Variants in KIDINS220 observed in about 807,000 individuals in gnomAD.
KIDINS220 encodes the protein kinase D interacting substrate 220.
A neutral mutation model predicts 157.6 loss-of-function variants in KIDINS220; 63 were observed. That is an observed-to-expected ratio of 0.40 (90% CI 0.33 to 0.49). The LOEUF is 0.49. Ranked by LOEUF, KIDINS220 falls within the 20% of genes least tolerant of loss-of-function variation. The probability of loss-of-function intolerance (pLI) is 0.66; values close to 1 mark genes in which losing one functional copy is unlikely to be tolerated. For missense variants in KIDINS220, 1,772 were observed against 2,171.2 expected (o/e 0.82, Z 3.65); for synonymous variants, 732 against 783.6 (o/e 0.93, Z 1.10).
chr2:8,810,285 T>C (rs1478019194), intron 6 of KIDINS220, among the ~76,000 whole-genome samples: 1 of 152,198 alleles, frequency 6.6e-6, no homozygotes, highest in African/African-American at 2.4e-5. Context: ...TAAACAGAGA[T>C]CATTTTTTCT....
At chr2:8,734,501 A>C (rs1405143044) in intron 28 of KIDINS220, among the ~76,000 whole-genome samples, 154 bp downstream of exon 28, 1 of 152,248 alleles carries the variant, frequency 6.6e-6, no homozygotes. Context: ...ATTGCACATA[A>C]GTGTAAGAAG....
In KIDINS220 at chr2:8,757,658, C is replaced by A. The variant is rs79399794; in HGVS notation, c.3012-6014G>T. The A allele has an allele frequency of 5.3e-3, 8,614 of 1,611,720 alleles. 375 individuals are homozygous for A. The African/African-American group carries it at 0.097, about 18-fold the overall frequency. ...ATGTGCATCTCTGAGGGAGTCATGG[C>A]CTGTTCCATGTCCTGCTTATTTGCA... On this transcript the variant is annotated intron_variant, in intron 22 of 29. Coordinates refer to ENST00000256707, the MANE Select transcript of KIDINS220 (RefSeq NM_020738.4).
intron 22 of KIDINS220, among the ~76,000 whole-genome samples, chr2:8,754,551 A>G (rs927292599): frequency 6.6e-6 from 1 of 152,254 alleles, no homozygotes; most frequent in African/African-American, 2.4e-5. Context: ...AACCTCAGGC[A>G]TCAATGAGCT....
At chr2:8,728,611 T>A (rs1433719266), downstream of KIDINS220, among the ~76,000 whole-genome samples, 1 of 152,226 alleles carries the variant, frequency 6.6e-6, no homozygotes, top group Admixed American at 6.5e-5. Context: ...GTTCATGGAA[T>A]AAACTGATAT....
At chr2:8,820,993 T>C (rs972907190) in intron 2 of KIDINS220, among the ~76,000 whole-genome samples, 1 of 152,144 alleles carries the variant, frequency 6.6e-6, no homozygotes, top group African/African-American at 2.4e-5. Flanking sequence ...TGAGAATACA[T>C]CAATTTTACA....
chr2:8,791,018 C>A, intron 13 of KIDINS220, 42 bp downstream of exon 13: 1 of 1,543,630 alleles, frequency 6.5e-7, no homozygotes, highest in Non-Finnish European at 8.7e-7. Context: ...CAGAGAAAAC[C>A]TTGCTTTATA....
intron 13 of KIDINS220, 58 bp from the exon 14 acceptor site, chr2:8,790,117 T>G: frequency 6.8e-7 from 1 of 1,460,166 alleles, no homozygotes; most frequent in Non-Finnish European, 9.3e-7. Flanking sequence ...ATACAACTTT[T>G]AACTCAATAT....
chr2:8,801,384 G>A (rs940599527), intron 8 of KIDINS220, among the ~76,000 whole-genome samples: 148 of 152,232 alleles, frequency 9.7e-4, no homozygotes, highest in African/African-American at 3.2e-3. Context: ...ATTTATAGCA[G>A]AAATAAACCA....
At chr2:8,757,268 A>C (rs1404453775) in intron 22 of KIDINS220, 5 of 995,320 alleles carry the variant, frequency 5.0e-6, no homozygotes, top group Non-Finnish European at 6.0e-6. Flanking sequence ...TGGAATGTGT[A>C]CTTAACATTA....
At chr2:8,765,594 T>A (rs1214657053) in intron 22 of KIDINS220, among the ~76,000 whole-genome samples, 2 of 152,200 alleles carry the variant, frequency 1.3e-5, no homozygotes, top group Admixed American at 6.5e-5. Flanking sequence ...ATGTTTAGAA[T>A]AACTAATTTT....
intron 1 of KIDINS220, among the ~76,000 whole-genome samples, chr2:8,830,114 C>G (rs1051683811): frequency 6.6e-6 from 1 of 152,142 alleles, no homozygotes; most frequent in African/African-American, 2.4e-5. Context: ...CAGTTTACCC[C>G]CTAAAGTGTG....
intron 22 of KIDINS220, among the ~76,000 whole-genome samples, chr2:8,760,151 C>T (rs1422884999): frequency 1.3e-5 from 2 of 152,170 alleles, no homozygotes; most frequent in Non-Finnish European, 2.9e-5. Context: ...TACATTTTAA[C>T]AAATTGAAGA....
At chr2:8,786,054 AT>A in intron 16 of KIDINS220, 24 bp from the exon 17 acceptor site, 1 of 1,581,076 alleles carries the variant, frequency 6.3e-7, no homozygotes. Context: ...AATGGTTTTA[AT>A]AATTAACATA....
At chr2:8,791,946 A>C (rs13409972) in intron 12 of KIDINS220, among the ~76,000 whole-genome samples, 7,849 of 152,248 alleles carry the variant, frequency 0.052, 268 homozygotes, top group African/African-American at 0.091. Context: ...TAAAAATGTA[A>C]AACAATAATT....
rs202235222 is a variant in KIDINS220, at chr2:8,733,420, T to C, written c.4053+24A>G. On this transcript the variant is annotated intron_variant, in intron 29 of 29. Transcript: ENST00000256707. Reference sequence around the variant, plus strand: ...ACGGTGTGCTTATTCTTCAATAATATGAAAAATGCCATTCAATAAATACCT... The same window carrying C: ...ACGGTGTGCTTATTCTTCAATAATACGAAAAATGCCATTCAATAAATACCT... The C allele has an allele frequency of 1.4e-3, 2,125 of 1,567,424 alleles. 1 individual carries two copies. The highest frequency in any genetic ancestry group is 1.8e-3 in the Non-Finnish European group (2,008 of 1,139,658).
chr2:8,780,714 G>A (rs1558407054), intron 17 of KIDINS220, among the ~76,000 whole-genome samples: 1 of 151,686 alleles, frequency 6.6e-6, no homozygotes, highest in South Asian at 2.1e-4. Context: ...AGTGGGCTTG[G>A]ATTAGTTATA....
At chr2:8,742,012 G>A (rs933648348) in intron 26 of KIDINS220, among the ~76,000 whole-genome samples, 1 of 152,118 alleles carries the variant, frequency 6.6e-6, no homozygotes, top group East Asian at 1.9e-4. Flanking sequence ...AAACGCCTTC[G>A]ACTCCCTACC....
In KIDINS220 at chr2:8,729,717, T is replaced by C. The variant is rs1663767777; in HGVS notation, c.*1003A>G. 11 of 984,504 alleles carry C rather than the reference T, an allele frequency of 1.1e-5. No homozygotes were observed. The highest frequency in any genetic ancestry group is 1.3e-5 in the Non-Finnish European group (11 of 829,178). The allele number at this position is 984,504 out of a possible 1,614,324, so 61.0% of individuals were successfully genotyped here. ...GAACAGATGAAGTAGATAAAGTCTA[T>C]CCTAGTATAGAGAGCAATGATTTAG... On this transcript the variant is annotated 3_prime_UTR_variant, in exon 30 of 30. Coordinates refer to ENST00000256707, the MANE Select transcript of KIDINS220 (RefSeq NM_020738.4).
At chr2:8,795,891 T>C (rs750453337) in intron 11 of KIDINS220, among the ~76,000 whole-genome samples, 3 of 152,346 alleles carry the variant, frequency 2.0e-5, no homozygotes, top group Non-Finnish European at 2.9e-5. Context: ...AAGCTACATA[T>C]ATTCCATTTT....
Sources: allele counts gnomAD v4.1 joint callset (sites outside exome capture counted in the v4.1 genomes callset), GRCh38; gene constraint gnomAD v4.1.1; transcripts MANE v1.5; gene names NCBI Gene and HGNC (gene_info 2026-07-23, HGNC 2026-07-21).